MSANTD2: variants seen among roughly 807,000 people sequenced by gnomAD.
The protein encoded by MSANTD2 is Myb/SANT DNA binding domain containing 2.
Under a neutral mutation model 52.6 loss-of-function variants are expected in MSANTD2, and 19 were observed. The observed-to-expected ratio is 0.36, with a 90% CI of 0.25 to 0.53. The LOEUF (loss-of-function observed/expected upper bound fraction) is 0.53. Among genes scored for constraint, MSANTD2 ranks in the 20% least tolerant of loss-of-function variants. The probability of loss-of-function intolerance (pLI) is 0.91; values close to 1 mark genes in which losing one functional copy is unlikely to be tolerated. For missense variants in MSANTD2, 558 were observed against 716.3 expected (o/e 0.78, Z 2.52); for synonymous variants, 291 against 289.7 (o/e 1.00, Z -0.04).
In MSANTD2 at chr11:124,779,526, C is replaced by T. The variant is rs1057457259; in HGVS notation, c.511-4552G>A. Among the ~76,000 whole-genome samples the T allele has an allele frequency of 3.9e-5, 6 of 152,088 alleles. No homozygotes were observed. Among genetic ancestry groups the T allele is most frequent in the Non-Finnish European group, 8.8e-5 (6 of 68,022 alleles). Reference sequence around the variant, plus strand: ...CCATACATGGAATGGAGCACTATAACGTGGAGGAACAGAAATAAGGCATAA... The same window carrying T: ...CCATACATGGAATGGAGCACTATAATGTGGAGGAACAGAAATAAGGCATAA... On this transcript the variant is annotated intron_variant, in intron 1 of 3. Coordinates refer to ENST00000374979, the MANE Select transcript of MSANTD2 (RefSeq NM_001308027.2). The surrounding 1 kb of genome is among the most constrained non-coding windows in gnomAD (Gnocchi z 4.6).
At chr11:124,790,954 G>A in intron 1 of MSANTD2, 1 of 294,434 alleles carries the variant, frequency 3.4e-6, no homozygotes, top group Non-Finnish European at 6.5e-6. Flanking sequence ...AAAAAATCTT[G>A]ATCTCACTGT....
At chr11:124,789,430 A>T (rs965268989) in intron 1 of MSANTD2, 3 of 152,228 alleles carry the variant, frequency 2.0e-5, no homozygotes, top group Non-Finnish European at 4.4e-5. Context: ...AACAACTTCT[A>T]CTATTGTTAT....
chr11:124,794,167 T>C (rs1945420951), intron 1 of MSANTD2, among the ~76,000 whole-genome samples: 1 of 152,212 alleles, frequency 6.6e-6, no homozygotes, highest in Admixed American at 6.5e-5. Context: ...ACAGTACTAT[T>C]TGTACTACAT....
At chr11:124,776,543 C>CG (rs1944753322) in intron 1 of MSANTD2, among the ~76,000 whole-genome samples, 1 of 152,196 alleles carries the variant, frequency 6.6e-6, no homozygotes, top group Non-Finnish European at 1.5e-5. Flanking sequence ...GTGATCCGCC[C>CG]GCCTTGGCCT....
chr11:124,794,900 A>G (rs1428011606), intron 1 of MSANTD2, among the ~76,000 whole-genome samples: 2 of 152,076 alleles, frequency 1.3e-5, no homozygotes, highest in South Asian at 2.1e-4. Flanking sequence ...TTATTTTGAG[A>G]CAGGGTCTCA....
intron 1 of MSANTD2, among the ~76,000 whole-genome samples, chr11:124,797,545 T>C (rs1945533071): frequency 6.6e-6 from 1 of 152,190 alleles, no homozygotes; most frequent in Non-Finnish European, 1.5e-5. Context: ...GTGTCTACTA[T>C]ATGCTAGTAC....
chr11:124,785,610 C>T (rs1160648397), intron 1 of MSANTD2, among the ~76,000 whole-genome samples: 1 of 152,120 alleles, frequency 6.6e-6, no homozygotes, highest in African/African-American at 2.4e-5. Flanking sequence ...GGGCCCTCAC[C>T]TTGGGTGAGA....
At chr11:124,799,032 A>C (rs756068374) in intron 1 of MSANTD2, among the ~76,000 whole-genome samples, 3 of 152,198 alleles carry the variant, frequency 2.0e-5, no homozygotes, top group Non-Finnish European at 2.9e-5. Context: ...GCCCAAATTA[A>C]GCCTCTGCAT....
chr11:124,791,639 A>G (rs1591474005), intron 1 of MSANTD2: 3 of 1,477,768 alleles, frequency 2.0e-6, no homozygotes, highest in Non-Finnish European at 2.8e-6. Flanking sequence ...ATCCTTCCAG[A>G]CTTTCTTTGC....
intron 1 of MSANTD2, among the ~76,000 whole-genome samples, chr11:124,796,105 C>G (rs1945483237): frequency 6.6e-6 from 1 of 152,110 alleles, no homozygotes; most frequent in South Asian, 2.1e-4. Flanking sequence ...TTCATTTAGA[C>G]AGTATTAAAA....
intron 1 of MSANTD2, among the ~76,000 whole-genome samples, chr11:124,780,030 G>C (rs886486462): frequency 2.0e-5 from 3 of 152,066 alleles, no homozygotes; most frequent in African/African-American, 7.2e-5. Flanking sequence ...AAAACTAGTT[G>C]CTCTTAGTTA....
intron 1 of MSANTD2, among the ~76,000 whole-genome samples, chr11:124,799,538 G>A (rs951624923): frequency 6.6e-6 from 1 of 152,332 alleles, no homozygotes; most frequent in Admixed American, 6.5e-5. Context: ...GAGGGGCCCC[G>A]GCGGTGGGGG....
intron 3 of MSANTD2, among the ~76,000 whole-genome samples, chr11:124,769,864 C>A (rs1944436823): frequency 6.6e-6 from 1 of 152,202 alleles, no homozygotes; most frequent in Admixed American, 6.5e-5. Flanking sequence ...AAATGGCCTA[C>A]CCAGATCTTG....
intron 1 of MSANTD2, chr11:124,791,439 T>G: frequency 7.9e-7 from 1 of 1,265,956 alleles, no homozygotes; most frequent in Non-Finnish European, 1.1e-6. Flanking sequence ...AGCACAGACT[T>G]CCGGACCCCT....
chr11:124,799,837 C>T (rs1483302593), intron 1 of MSANTD2, 34 bp downstream of exon 1: 2 of 1,521,534 alleles, frequency 1.3e-6, no homozygotes, highest in East Asian at 2.5e-5. Flanking sequence ...CTCTCTGCCT[C>T]TGGTTCGCTG....
chr11:124,785,857 A>G (rs1945142071), intron 1 of MSANTD2, among the ~76,000 whole-genome samples: 1 of 151,636 alleles, frequency 6.6e-6, no homozygotes, highest in Non-Finnish European at 1.5e-5. Context: ...ATTATTAACA[A>G]GGCAGAGAAA....
intron 1 of MSANTD2, chr11:124,783,773 GA>G (rs996305453): frequency 2.5e-5 from 25 of 985,096 alleles, no homozygotes; most frequent in Admixed American, 2.5e-4. Context: ...AGATTACTAA[GA>G]AAAAAACCCT....
intron 1 of MSANTD2, among the ~76,000 whole-genome samples, chr11:124,786,095 CTTTTTTTTTTTTT>C (rs200399771): frequency 4.4e-5 from 5 of 114,408 alleles, no homozygotes; most frequent in Admixed American, 9.5e-5. Flanking sequence ...ATCATTTCTT[CTTTTTTTTTTTTT>C]TTTTTTTTTA....
intron 3 of MSANTD2, among the ~76,000 whole-genome samples, chr11:124,771,888 T>C (rs1944537011): frequency 6.6e-6 from 1 of 152,234 alleles, no homozygotes; most frequent in Admixed American, 6.5e-5. Flanking sequence ...AAGTGGGTGC[T>C]ATCAATGCTC....
Sources: allele counts gnomAD v4.1 joint callset (sites outside exome capture counted in the v4.1 genomes callset), GRCh38; gene constraint gnomAD v4.1.1; non-coding constraint Gnocchi (gnomAD v3.1); transcripts MANE v1.5; gene names NCBI Gene and HGNC (gene_info 2026-07-23, HGNC 2026-07-21).